The following RASA2 variants were observed in gnomAD, a reference collection of about 807,000 sequenced individuals.
RASA2 encodes RAS p21 protein activator 2, also known as ras GTPase-activating protein 2.
A neutral mutation model predicts 118.2 loss-of-function variants in RASA2; 155 were observed. The observed-to-expected ratio is 1.31, with a 90% CI of 1.15 to 1.50. The LOEUF (loss-of-function observed/expected upper bound fraction) is 1.50. Ranked by LOEUF, RASA2 falls within the 40% of genes most tolerant of loss-of-function variation. The pLI is 0.00. For missense variants in RASA2, 1,016 were observed against 1,009.6 expected, an observed-to-expected ratio of 1.01 and a Z score of -0.09; for synonymous variants, 353 against 349.1, an observed-to-expected ratio of 1.01 and a Z score of -0.12.
intron 3 of RASA2, among the ~76,000 whole-genome samples, chr3:141,521,965 T>C (rs892240776): frequency 1.3e-4 from 20 of 151,928 alleles, no homozygotes; most frequent in African/African-American, 4.8e-4. Context: ...GCCACTCAAT[T>C]GTAGATTAAA....
Position 141,512,222 on chromosome 3 carries a change from A to G in RASA2, c.193A>G (p.Thr65Ala). The G allele has an allele frequency of 6.2e-7, 1 of 1,600,552 alleles. No individual in the cohort carries two copies. ...GPHKMRDCFC[T>A]INLDQEEVYR... is the part of the protein sequence containing the mutation. ...CCACAAAATGAGAGATTGTTTCTGT[A>G]CCATAAATTTGGACCAGGAAGAAGT... Residue 65 changes from threonine to alanine, a missense_variant, in exon 2 of 24, where the codon ACC (threonine) becomes GCC (alanine). By Grantham distance (58) the Thr-to-Ala change is moderately conservative. Around this residue, in one of 2 missense-constraint regions of RASA2, gnomAD observed 896 missense variants for 836.4 expected, o/e 1.07. Coordinates refer to ENST00000286364, the MANE Select transcript of RASA2 (RefSeq NM_006506.5).
intron 19 of RASA2, among the ~76,000 whole-genome samples, chr3:141,587,846 A>G (rs2083230255): frequency 6.6e-6 from 1 of 150,912 alleles, no homozygotes; most frequent in Non-Finnish European, 1.5e-5. Flanking sequence ...AATGATCAGG[A>G]TCCAGAGATG....
At chr3:141,598,760 C>A (rs1210084687) in intron 19 of RASA2, among the ~76,000 whole-genome samples, 1 of 151,860 alleles carries the variant, frequency 6.6e-6, no homozygotes, top group African/African-American at 2.4e-5. Flanking sequence ...AGTTCCCCCC[C>A]AAAAAAACCC....
At chr3:141,599,439 A>C (rs1226219432) in intron 19 of RASA2, among the ~76,000 whole-genome samples, 1 of 152,156 alleles carries the variant, frequency 6.6e-6, no homozygotes, top group Non-Finnish European at 1.5e-5. Context: ...AGAAAAGTAC[A>C]AAAGTTTTAA....
chr3:141,584,279 C>G (rs539459569), intron 17 of RASA2, among the ~76,000 whole-genome samples: 1 of 141,730 alleles, frequency 7.1e-6, no homozygotes, highest in South Asian at 2.2e-4. Context: ...TGAAGTGAGC[C>G]GAGATCGCAC....
rs140807285 is a variant in RASA2, at chr3:141,520,946, T to A, written c.355+4515T>A. Among the ~76,000 whole-genome samples the A allele has an allele frequency of 3.4e-4, 51 of 152,238 alleles. No homozygotes were observed. The East Asian group carries it at 9.8e-3, about 29-fold the overall frequency. Reference sequence around the variant, plus strand: ...TTCAAATAGGGCATAGGGACCAAGATGAACAGGAGATGTGAAAAGGAGAAG... The same window carrying A: ...TTCAAATAGGGCATAGGGACCAAGAAGAACAGGAGATGTGAAAAGGAGAAG... On this transcript the variant is annotated intron_variant, in intron 3 of 23. Transcript: ENST00000286364.
chr3:141,540,490 A>G lies in RASA2; in HGVS notation c.451-43A>G, dbSNP rs192472694. On this transcript the variant is annotated intron_variant, in intron 4 of 23. Transcript: ENST00000286364. ...AGGCACATACCTTTAATATTTTGTC[A>G]GTAAAATAGACTACTCAGTTTGTAA... 195 of 1,482,610 alleles carry G rather than the reference A, an allele frequency of 1.3e-4. 1 individual carries two copies. The African/African-American group carries it at 1.5e-3, about 11-fold the overall frequency. The allele number at this position is 1,482,610 out of a possible 1,614,324, so 91.8% of individuals were successfully genotyped here.
chr3:141,524,886 C>T (rs7627807), intron 3 of RASA2, among the ~76,000 whole-genome samples: 19,717 of 152,002 alleles, frequency 0.13, 1,840 homozygotes, highest in East Asian at 0.24. Flanking sequence ...CCACCATGCC[C>T]GGCCTGTCAC....
chr3:141,541,258 G>A (rs1300569977), intron 5 of RASA2, among the ~76,000 whole-genome samples: 7 of 152,136 alleles, frequency 4.6e-5, no homozygotes, highest in African/African-American at 1.7e-4. Context: ...TTCTCAGTTA[G>A]AGGCTTTGTT....
At chr3:141,513,011 C>A (rs1448226554) in intron 2 of RASA2, among the ~76,000 whole-genome samples, 2 of 146,604 alleles carry the variant, frequency 1.4e-5, no homozygotes, top group Non-Finnish European at 3.0e-5. Context: ...TGCAGTGAGC[C>A]AAGATTATGC....
At chr3:141,491,180 A>G (rs537966699) in intron 1 of RASA2, among the ~76,000 whole-genome samples, 118 of 152,260 alleles carry the variant, frequency 7.7e-4, no homozygotes, top group African/African-American at 2.7e-3. Context: ...ATGCTTTTCC[A>G]CTATCCATTG....
At position 141,613,900 on chromosome 3, in the gene RASA2, T is replaced by C. The variant is rs1406059910; in HGVS notation, c.*1587T>C. ...ATTATGGTAGGTTATTACTCCCAGC[T>C]CATTTTAAAGACAAGTTTGAAAGAG... On this transcript the variant is annotated 3_prime_UTR_variant, in exon 24 of 24. Transcript: ENST00000286364. 6 of 152,344 alleles carry C rather than the reference T, an allele frequency of 3.9e-5. No homozygotes were observed. The East Asian group carries it at 1.2e-3, about 29-fold the overall frequency. 9.4% of individuals were successfully genotyped at this position (152,344 alleles called of 1,614,324 possible). A position where few individuals can be genotyped will look rare whatever the true frequency, so the allele number is the denominator to read the frequency against.
intron 19 of RASA2, chr3:141,600,303 T>C (rs1577817801): frequency 1.9e-6 from 1 of 538,346 alleles, no homozygotes; most frequent in South Asian, 1.4e-5. Flanking sequence ...CACATTCTTC[T>C]CCTGCACTGT....
chr3:141,610,155 C>T, intron 23 of RASA2, 89 bp downstream of exon 23: 1 of 1,150,410 alleles, frequency 8.7e-7, no homozygotes, highest in South Asian at 1.8e-5. Context: ...CCTGCTCACC[C>T]ACATCTGTCA....
intron 19 of RASA2, among the ~76,000 whole-genome samples, chr3:141,602,053 G>C (rs1291576322): frequency 6.6e-6 from 1 of 152,162 alleles, no homozygotes; most frequent in East Asian, 1.9e-4. Flanking sequence ...AATTATTTCA[G>C]CATATTTAGA....
chr3:141,563,435 G>A (rs756694529), intron 9 of RASA2, among the ~76,000 whole-genome samples: 3 of 152,006 alleles, frequency 2.0e-5, no homozygotes, highest in Non-Finnish European at 4.4e-5. Flanking sequence ...ATTAAATTGA[G>A]CTTTTGTAAT....
At position 141,570,924 on chromosome 3, in the gene RASA2, G is replaced by GC. The variant is rs767392205; in HGVS notation, c.878dup (p.Arg294LysfsTer11). 6.2e-7 allele frequency: 1 copy of GC among 1,607,470 alleles called. No individual in the cohort carries two copies. Among genetic ancestry groups the GC allele is most frequent in the Admixed American group, 1.7e-5 (1 of 58,472 alleles). On this transcript the variant is annotated frameshift_variant, in exon 10 of 24. Transcript: ENST00000286364. LOFTEE classifies it high-confidence loss of function. ...ATTTTTACTTTAGGTACTTGCTACA[G>GC]CCAAGAGACAATGGAAACAAGTCAT...
intron 19 of RASA2, among the ~76,000 whole-genome samples, chr3:141,596,587 A>G (rs962463581): frequency 1.3e-5 from 2 of 152,258 alleles, no homozygotes; most frequent in African/African-American, 4.8e-5. Flanking sequence ...CGCTTATCTA[A>G]TATACTTGTA....
intron 3 of RASA2, among the ~76,000 whole-genome samples, chr3:141,518,112 CTTTCTT>C (rs1234259782): frequency 6.6e-6 from 1 of 152,066 alleles, no homozygotes; most frequent in Non-Finnish European, 1.5e-5. Context: ...CATTTATTCT[CTTTCTT>C]TTTAGTATCC....
Sources: gnomAD v4.1 joint callset for allele counts (sites outside exome capture counted in the v4.1 genomes callset) on GRCh38, gnomAD v4.1.1 for gene constraint, gnomAD v4.1.1 regional missense constraint, MANE v1.5 for transcripts, NCBI Gene and HGNC (gene_info 2026-07-23, HGNC 2026-07-21) for gene names.